SIPA1L3: variants seen among roughly 807,000 people sequenced by gnomAD.
SIPA1L3 encodes the protein signal induced proliferation associated 1 like 3.
Under a neutral mutation model 150.1 loss-of-function variants are expected in SIPA1L3, and 59 were observed. That is an observed-to-expected ratio of 0.39 (90% CI 0.32 to 0.49). The LOEUF is 0.49. SIPA1L3 is among the 20% of genes least tolerant of loss of function. SIPA1L3 has a pLI of 0.86. For missense variants in SIPA1L3, 2,211 were observed against 2,489.5 expected, an observed-to-expected ratio of 0.89 and a Z score of 2.38; for synonymous variants, 1,070 against 1,077.6, an observed-to-expected ratio of 0.99 and a Z score of 0.14.
intron 12 of SIPA1L3, among the ~76,000 whole-genome samples, chr19:38,145,689 A>G (rs149236265): frequency 6.6e-6 from 1 of 152,190 alleles, no homozygotes; most frequent in Non-Finnish European, 1.5e-5. Flanking sequence ...AAAATTCACC[A>G]GTTATACATG....
intron 10 of SIPA1L3, among the ~76,000 whole-genome samples, chr19:38,133,093 G>A (rs527721727): frequency 1.3e-5 from 2 of 152,338 alleles, no homozygotes; most frequent in South Asian, 4.1e-4. Flanking sequence ...AGTCAAAGAT[G>A]GAAGCTTGCT....
At position 38,198,414 on chromosome 19, in the gene SIPA1L3, G is replaced by A. The variant is rs202019209; in HGVS notation, c.4866G>A (p.Ser1622=). The part of the protein sequence containing the change: ...KKSTISASEL[S]LADGRDRPLR... ...CCACCATCTCAGCCTCGGAGCTCTC[G>A]CTGGCTGATGGGCGGGACCGCCCCC... The change falls in exon 19 of 22, where the codon TCG becomes TCA. Residue 1622 remains serine, a synonymous_variant. Coordinates refer to ENST00000222345, the MANE Select transcript of SIPA1L3 (RefSeq NM_015073.3). 4.2e-5 allele frequency: 67 copies of A among 1,583,780 alleles called. No homozygotes were observed. In the Admixed American group the frequency reaches 7.8e-4, roughly 18 times the overall value.
At chr19:38,192,825 C>G (rs868042896) in intron 17 of SIPA1L3, among the ~76,000 whole-genome samples, 11 of 152,184 alleles carry the variant, frequency 7.2e-5, no homozygotes, top group African/African-American at 2.4e-4. Flanking sequence ...GAGGTGGACC[C>G]CAGCCTCCCC....
In SIPA1L3 at chr19:38,153,011, C is replaced by A. The variant is rs766773800; in HGVS notation, c.3661+44C>A. On this transcript the variant is annotated intron_variant, in intron 13 of 21. Transcript: ENST00000222345. ...GCTGCGCCCACCCGCCTGCCTCACT[C>A]CGCAGGACCTCTTACTTAGAGCTTG... 10 of 1,592,268 alleles carry A rather than the reference C, an allele frequency of 6.3e-6. No homozygotes were observed. In the East Asian group the frequency reaches 6.7e-5, roughly 11 times the overall value.
chr19:38,067,533 C>A (rs1599993584), intron 2 of SIPA1L3, among the ~76,000 whole-genome samples: 1 of 151,916 alleles, frequency 6.6e-6, no homozygotes, highest in African/African-American at 2.4e-5. Flanking sequence ...GAGGCCGAGG[C>A]GGGCAGATAA....
intron 16 of SIPA1L3, among the ~76,000 whole-genome samples, chr19:38,183,617 A>G (rs1242695881): frequency 6.6e-6 from 1 of 152,186 alleles, no homozygotes; most frequent in East Asian, 1.9e-4. Flanking sequence ...CCCTTGAGTA[A>G]GGAATCCCGA....
At chr19:38,113,039 C>G (rs779437655) in intron 8 of SIPA1L3, among the ~76,000 whole-genome samples, 2 of 152,042 alleles carry the variant, frequency 1.3e-5, no homozygotes, top group Non-Finnish European at 1.5e-5. Context: ...GAAACCCCAT[C>G]TCTACTAAAA....
intron 8 of SIPA1L3, among the ~76,000 whole-genome samples, chr19:38,118,027 ACTT>A (rs1270963077): frequency 6.6e-6 from 1 of 152,124 alleles, no homozygotes; most frequent in Non-Finnish European, 1.5e-5. Flanking sequence ...GTTACAATGA[ACTT>A]CCTTTATTAA....
At chr19:38,160,734 G>A (rs904245214) in intron 13 of SIPA1L3, among the ~76,000 whole-genome samples, 2 of 152,064 alleles carry the variant, frequency 1.3e-5, no homozygotes, top group African/African-American at 4.8e-5. Context: ...TCTTAAACCC[G>A]CTTCACCTTT....
intron 2 of SIPA1L3, among the ~76,000 whole-genome samples, chr19:38,062,766 G>A (rs756946205): frequency 3.9e-5 from 6 of 152,070 alleles, no homozygotes; most frequent in Non-Finnish European, 5.9e-5. Flanking sequence ...GATTACAGGC[G>A]TGCATCACCA....
At position 38,003,599 on chromosome 19, in the gene SIPA1L3, C is replaced by T. The variant is rs561284599; in HGVS notation, c.-378-25490C>T. Among the ~76,000 whole-genome samples the T allele has an allele frequency of 3.9e-5, 6 of 152,296 alleles. No individual in the cohort carries two copies. In the South Asian group the frequency reaches 1.2e-3, roughly 32 times the overall value. On this transcript the variant is annotated intron_variant, in intron 1 of 21. Transcript: ENST00000222345. ...GCCAGTTCCCAGCTGTAAATACAGA[C>T]GTGGCAGGGTCCCTTTTTCCTGCTG...
chr19:38,073,708 G>A (rs1428064681), intron 2 of SIPA1L3, among the ~76,000 whole-genome samples: 1 of 152,206 alleles, frequency 6.6e-6, no homozygotes, highest in Non-Finnish European at 1.5e-5. Context: ...GGAAGCCCTG[G>A]AGGGAAGAAA....
chr19:38,163,973 G>A (rs1972149075), intron 14 of SIPA1L3, among the ~76,000 whole-genome samples: 1 of 152,202 alleles, frequency 6.6e-6, no homozygotes, highest in South Asian at 2.1e-4. Flanking sequence ...CCCAGGGGGA[G>A]GACAGGACAG....
chr19:38,116,811 G>A (rs532664689), intron 8 of SIPA1L3, among the ~76,000 whole-genome samples: 3 of 152,194 alleles, frequency 2.0e-5, no homozygotes, highest in South Asian at 2.1e-4. Flanking sequence ...CTGAGATCAC[G>A]CCACTGCACT....
At position 38,195,336 on chromosome 19, in the gene SIPA1L3, C is replaced by T. The variant is rs146940452; in HGVS notation, c.4840+1556C>T. ...CTCTAAGCCCTGGACTGGGTCCCAG[C>T]CCCCATCTCAACTCCAGAGCTTCTG... On this transcript the variant is annotated intron_variant, in intron 18 of 21. Transcript: ENST00000222345. Among the ~76,000 whole-genome samples, 165 of 152,316 alleles carry T rather than the reference C, an allele frequency of 1.1e-3. 1 individual carries two copies. Among genetic ancestry groups the T allele is most frequent in the Middle Eastern group, 3.4e-3 (1 of 294 alleles).
chr19:38,125,969 C>T (rs1416060432), intron 9 of SIPA1L3, among the ~76,000 whole-genome samples: 2 of 152,114 alleles, frequency 1.3e-5, no homozygotes, highest in African/African-American at 4.8e-5. Context: ...GTCAAGAGAT[C>T]GAGACCATCC....
intron 1 of SIPA1L3, among the ~76,000 whole-genome samples, chr19:37,996,068 C>T (rs1469262867): frequency 6.6e-6 from 1 of 152,122 alleles, no homozygotes; most frequent in Non-Finnish European, 1.5e-5. Context: ...CATGCACCAC[C>T]ACACCTGGCT....
intron 1 of SIPA1L3, among the ~76,000 whole-genome samples, chr19:37,946,167 AT>A (rs200407373): frequency 0.011 from 1,687 of 148,332 alleles, 25 homozygotes; most frequent in African/African-American, 0.034. Context: ...AAAAAAAAAA[AT>A]AATAATAATA....
chr19:38,067,835 C>T (rs573134755), intron 2 of SIPA1L3, among the ~76,000 whole-genome samples: 1 of 152,106 alleles, frequency 6.6e-6, no homozygotes, highest in African/African-American at 2.4e-5. Context: ...TGCTGGCTTT[C>T]ACAGCCGTGG....
Sources: gnomAD v4.1 joint callset for allele counts (sites outside exome capture counted in the v4.1 genomes callset) on GRCh38, gnomAD v4.1.1 for gene constraint, MANE v1.5 for transcripts, NCBI Gene and HGNC (gene_info 2026-07-23, HGNC 2026-07-21) for gene names.